The following TMOD3 variants were observed in gnomAD, a reference collection of about 807,000 sequenced individuals.
The protein encoded by TMOD3 is tropomodulin 3, also known as tropomodulin-3.
TMOD3 carries 20 observed loss-of-function variants against 39.2 expected under a neutral mutation model. The ratio of observed to expected loss-of-function variants is 0.51; its 90% confidence interval spans 0.36 to 0.74. The LOEUF is 0.74. Among genes scored for constraint, TMOD3 ranks in the 30% least tolerant of loss-of-function variants. The probability of loss-of-function intolerance (pLI) is 0.00; values close to 1 mark genes in which losing one functional copy is unlikely to be tolerated. For synonymous variants in TMOD3, 143 were observed against 145.8 expected, an observed-to-expected ratio of 0.98 and a Z score of 0.14; for missense variants, 381 against 412.8, an observed-to-expected ratio of 0.92 and a Z score of 0.67.
intron 1 of TMOD3, among the ~76,000 whole-genome samples, chr15:51,852,286 A>G (rs959564269): frequency 3.9e-5 from 6 of 152,212 alleles, no homozygotes; most frequent in Admixed American, 1.3e-4. Flanking sequence ...TTGAGCACCC[A>G]GGGATCCTAG....
At chr15:51,836,280 A>G (rs2056282667) in intron 1 of TMOD3, among the ~76,000 whole-genome samples, 1 of 152,162 alleles carries the variant, frequency 6.6e-6, no homozygotes, top group African/African-American at 2.4e-5. Context: ...TACCATTAGC[A>G]GTTACTACCT....
intron 1 of TMOD3, chr15:51,859,669 A>T (rs1341750790): frequency 2.0e-6 from 1 of 491,430 alleles, no homozygotes. Flanking sequence ...ATGGTAGACA[A>T]ACCTGGAGTT....
intron 6 of TMOD3, among the ~76,000 whole-genome samples, chr15:51,894,954 G>C (rs932470106): frequency 2.6e-5 from 4 of 152,194 alleles, no homozygotes; most frequent in African/African-American, 9.7e-5. Flanking sequence ...AGTAAGGAAA[G>C]AAGAAATTAG....
intron 6 of TMOD3, among the ~76,000 whole-genome samples, chr15:51,895,512 G>T (rs1035030154): frequency 2.0e-5 from 3 of 151,962 alleles, no homozygotes; most frequent in African/African-American, 7.3e-5. Flanking sequence ...GAGCCACTGC[G>T]CCCGGCCTAT....
intron 3 of TMOD3, among the ~76,000 whole-genome samples, chr15:51,877,618 T>G (rs185704954): frequency 2.0e-5 from 3 of 151,636 alleles, no homozygotes; most frequent in East Asian, 3.9e-4. Flanking sequence ...AGACGGAGGT[T>G]GCAGTGAGCC....
intron 2 of TMOD3, among the ~76,000 whole-genome samples, chr15:51,866,237 T>G (rs2056444849): frequency 6.6e-6 from 1 of 152,104 alleles, no homozygotes; most frequent in South Asian, 2.1e-4. Flanking sequence ...GGAGATTTGC[T>G]TAAGAGCAGG....
intron 3 of TMOD3, chr15:51,884,751 G>C (rs953708405): frequency 1.3e-5 from 2 of 152,166 alleles, no homozygotes; most frequent in Admixed American, 6.5e-5. Flanking sequence ...TCTTGAGACT[G>C]TGAAGGCCTA....
At chr15:51,877,669 A>G (rs1434993996) in intron 3 of TMOD3, among the ~76,000 whole-genome samples, 1 of 151,640 alleles carries the variant, frequency 6.6e-6, no homozygotes, top group Non-Finnish European at 1.5e-5. Context: ...AACGAGAGCA[A>G]AACTCTGTCT....
chr15:51,902,100 T>C, intron 9 of TMOD3, 64 bp downstream of exon 9: 4 of 1,563,878 alleles, frequency 2.6e-6, no homozygotes, highest in Non-Finnish European at 3.5e-6. Context: ...GGGGAACTTC[T>C]TTCCCTCTTA....
At chr15:51,879,165 G>A (rs1320182798) in intron 3 of TMOD3, among the ~76,000 whole-genome samples, 1 of 152,166 alleles carries the variant, frequency 6.6e-6, no homozygotes, top group African/African-American at 2.4e-5. Context: ...TTGGATAAGT[G>A]CCATACATTT....
intron 1 of TMOD3, among the ~76,000 whole-genome samples, chr15:51,840,891 A>G (rs771044800): frequency 2.6e-5 from 4 of 152,202 alleles, no homozygotes; most frequent in East Asian, 1.9e-4. Flanking sequence ...GCTTCTTGCT[A>G]TCACCTAATA....
At chr15:51,834,128 C>T (rs2056269423) in intron 1 of TMOD3, among the ~76,000 whole-genome samples, 1 of 152,040 alleles carries the variant, frequency 6.6e-6, no homozygotes, top group South Asian at 2.1e-4. Flanking sequence ...TTCATTGGGT[C>T]ATTCATCTTT....
chr15:51,845,206 C>G (rs182626825), intron 1 of TMOD3, among the ~76,000 whole-genome samples: 1 of 152,260 alleles, frequency 6.6e-6, no homozygotes, highest in East Asian at 1.9e-4. Flanking sequence ...CAACCTTTGC[C>G]AAGTCTCATC....
In TMOD3 at chr15:51,900,148, T is replaced by C; in HGVS notation, c.736-7T>C. The C allele has an allele frequency of 6.2e-7, 1 of 1,613,746 alleles. No individual in the cohort carries two copies. On this transcript the variant is annotated splice_region_variant and splice_polypyrimidine_tract_variant and intron_variant, in intron 7 of 9. Transcript: ENST00000308580. ...TTTAATCTCTTAATATTTTCTCTAA[T>C]TTCTAGGCTTTTGCAGAAATGCTGA... is the stretch of plus-strand genomic sequence containing the variant.
chr15:51,848,982 T>C (rs1567262755), intron 1 of TMOD3, among the ~76,000 whole-genome samples: 1 of 152,166 alleles, frequency 6.6e-6, no homozygotes, highest in Admixed American at 6.5e-5. Flanking sequence ...ATGACTATGA[T>C]TGGCTGGCAC....
At chr15:51,891,448 G>A (rs1293909304) in intron 5 of TMOD3, among the ~76,000 whole-genome samples, 1 of 152,084 alleles carries the variant, frequency 6.6e-6, no homozygotes, top group Non-Finnish European at 1.5e-5. Context: ...TGCTTCATGG[G>A]TGGTGACTGA....
At chr15:51,857,850 C>T (rs763340838) in intron 1 of TMOD3, among the ~76,000 whole-genome samples, 1 of 151,644 alleles carries the variant, frequency 6.6e-6, no homozygotes. Flanking sequence ...TGAAATATCA[C>T]ATCATTGATA....
intron 4 of TMOD3, 54 bp downstream of exon 4, chr15:51,887,765 A>G (rs2056572581): frequency 3.7e-6 from 6 of 1,604,434 alleles, no homozygotes; most frequent in South Asian, 1.1e-5. Flanking sequence ...AGTGGGAAAT[A>G]CCAGCACATA....
intron 3 of TMOD3, among the ~76,000 whole-genome samples, chr15:51,885,354 G>T (rs1341067144): frequency 6.7e-6 from 1 of 150,032 alleles, no homozygotes; most frequent in Non-Finnish European, 1.5e-5. Flanking sequence ...ACTTGGCAGG[G>T]TCATAGGACA....
Sources: allele counts gnomAD v4.1 joint callset (sites outside exome capture counted in the v4.1 genomes callset), GRCh38; gene constraint gnomAD v4.1.1; transcripts MANE v1.5; gene names NCBI Gene and HGNC (gene_info 2026-07-23, HGNC 2026-07-21).